Variants in PHF10 observed in about 807,000 individuals in gnomAD.
PHF10 encodes PHD finger protein 10.
Under a neutral mutation model 68.5 loss-of-function variants are expected in PHF10, and 51 were observed. The observed-to-expected ratio is 0.74, with a 90% CI of 0.59 to 0.94. The LOEUF (loss-of-function observed/expected upper bound fraction) is 0.94. Among genes scored for constraint, PHF10 ranks in the 40% least tolerant of loss-of-function variants. The probability of loss-of-function intolerance (pLI) is 0.00; values close to 1 mark genes in which losing one functional copy is unlikely to be tolerated. For synonymous variants in PHF10, 204 were observed against 203.5 expected (o/e 1.00, Z -0.02); for missense variants, 460 against 602.6 (o/e 0.76, Z 2.48).
In PHF10 at chr6:169,704,057, G is replaced by C. The variant is rs1301511842; in HGVS notation, c.1443C>G (p.Ala481=). 1.9e-6 allele frequency: 3 copies of C among 1,581,522 alleles called. No individual in the cohort carries two copies. The African/African-American group carries it at 4.1e-5, about 22-fold the overall frequency. The change falls in exon 12 of 12, where the codon GCC becomes GCG. Residue 481 remains alanine (A), a synonymous_variant. Coordinates refer to ENST00000339209, the MANE Select transcript of PHF10 (RefSeq NM_018288.4). The stretch of plus-strand genomic sequence containing the variant: ...TGCCCACTTTCCTGGGTGTTGGGGG[G>C]GCCCGCTGACAACAGTCACAAATCC... The part of the protein sequence containing the change: ...GRWICDCCQR[A]PPTPRKVGRR...
intron 6 of PHF10, among the ~76,000 whole-genome samples, chr6:169,715,112 C>CT (rs1224076193): frequency 6.6e-6 from 1 of 152,184 alleles, no homozygotes; most frequent in Non-Finnish European, 1.5e-5. Context: ...TACGACCTCT[C>CT]TGTAGCTCAA....
intron 3 of PHF10, among the ~76,000 whole-genome samples, chr6:169,718,198 C>CT (rs1284157310): frequency 3.3e-5 from 5 of 152,102 alleles, no homozygotes; most frequent in Admixed American, 3.3e-4. Flanking sequence ...GCTCATATAG[C>CT]TAACTCTATT....
chr6:169,723,808 CG>C, intron 1 of PHF10, 36 bp downstream of exon 1: 2 of 723,616 alleles, frequency 2.8e-6, no homozygotes, highest in Non-Finnish European at 1.8e-6. Context: ...AGGCCCGGGA[CG>C]GGGTCAGGGT....
chr6:169,708,059 ATG>A (rs1247399650), intron 9 of PHF10: 1 of 152,194 alleles, frequency 6.6e-6, no homozygotes, highest in Non-Finnish European at 1.5e-5. Context: ...GCACACTCCT[ATG>A]TGTGTCTGGT....
At position 169,712,523 on chromosome 6, in the gene PHF10, G is replaced by A. The variant is rs766204496; in HGVS notation, c.820C>T (p.Leu274=). The change falls in exon 8 of 12, where the codon CTG becomes TTG. Residue 274 remains leucine (L), a synonymous_variant. Transcript: ENST00000339209. ...GCTGTGTTTAATGGCAGATACCGCA[G>A]CTCATCTGGTGAGTACCTGAAGTTC... is the stretch of plus-strand genomic sequence containing the variant. ...EYYKRYSPDE[L]RYLPLNTALY... is the part of the protein sequence containing the mutation. 1 of 1,612,746 alleles carries A rather than the reference G, an allele frequency of 6.2e-7. No individual in the cohort carries two copies. Among genetic ancestry groups the A allele is most frequent in the South Asian group, 1.1e-5 (1 of 90,816 alleles).
chr6:169,722,850 A>C (rs927676763), intron 1 of PHF10, among the ~76,000 whole-genome samples: 54 of 152,200 alleles, frequency 3.5e-4, no homozygotes, highest in Admixed American at 1.2e-3. Context: ...AGGGGTCAAG[A>C]ATGCACTCAG....
intron 11 of PHF10, chr6:169,704,316 A>G (rs550317119): frequency 8.1e-6 from 4 of 492,790 alleles, no homozygotes; most frequent in East Asian, 7.0e-5. Flanking sequence ...GAGAGATGCA[A>G]TGCCATACGG....
intron 9 of PHF10, chr6:169,707,486 ATATACT>A (rs1345722435): frequency 6.6e-6 from 1 of 152,228 alleles, no homozygotes; most frequent in African/African-American, 2.4e-5. Flanking sequence ...AATGTAAAAG[ATATACT>A]TATTTAATAC....
At chr6:169,719,884 A>G (rs1044324997) in intron 2 of PHF10, among the ~76,000 whole-genome samples, 2 of 152,124 alleles carry the variant, frequency 1.3e-5, no homozygotes, top group African/African-American at 4.8e-5. Context: ...GACAGTGAAA[A>G]GACAACCCAC....
At chr6:169,719,408 T>A (rs1048190674) in intron 2 of PHF10, 5 of 153,160 alleles carry the variant, frequency 3.3e-5, no homozygotes, top group African/African-American at 1.2e-4. Flanking sequence ...CTGTTTGTTC[T>A]CAGATACTCC....
chr6:169,719,499 C>T (rs1789128163), intron 2 of PHF10, among the ~76,000 whole-genome samples: 1 of 152,158 alleles, frequency 6.6e-6, no homozygotes, highest in Admixed American at 6.5e-5. Context: ...TAACAGAGTA[C>T]AGATTTCAGG....
chr6:169,710,661 AAC>A (rs2128329541), intron 8 of PHF10, among the ~76,000 whole-genome samples: 1 of 152,306 alleles, frequency 6.6e-6, no homozygotes, highest in South Asian at 2.1e-4. Context: ...AAGTCACAAA[AAC>A]ACAATTATCC....
chr6:169,716,121 A>C, intron 4 of PHF10, 33 bp from the exon 5 acceptor site: 27 of 1,460,684 alleles, frequency 1.8e-5, no homozygotes, highest in Non-Finnish European at 2.5e-5. Flanking sequence ...AAAATAAAGA[A>C]GCTCTTTTAA....
chr6:169,704,162 T>C (rs1788687069), intron 11 of PHF10, 74 bp from the exon 12 acceptor site: 2 of 1,102,634 alleles, frequency 1.8e-6, no homozygotes, highest in African/African-American at 3.3e-5. Context: ...TCTAAACTCT[T>C]CTGCCTTAGC....
chr6:169,705,241 T>G lies in PHF10; in HGVS notation c.1303A>C (p.Thr435Pro), dbSNP rs747145103. 1 of 1,613,180 alleles carries G rather than the reference T, an allele frequency of 6.2e-7. No individual in the cohort carries two copies. Among genetic ancestry groups the G allele is most frequent in the South Asian group, 1.1e-5 (1 of 91,052 alleles). ...TYPWQCMECK[T>P]CIICGQPHHE... ...TGGGGTTGTCCACATATAATGCATG[T>G]TTTACATTCCATACACTGCCATGGG... is the stretch of plus-strand genomic sequence containing the variant. The change falls in exon 11 of 12, where the codon ACA becomes CCA. Residue 435 changes from threonine (T) to proline (P), a missense_variant. This residue lies in a region of PHF10 where 111 missense variants were observed against 109.7 expected (regional missense o/e 1.01). Transcript: ENST00000339209.
intron 9 of PHF10, chr6:169,707,845 G>C (rs1481912082): frequency 6.6e-6 from 1 of 152,154 alleles, no homozygotes; most frequent in Non-Finnish European, 1.5e-5. Flanking sequence ...TGAGAGAAGG[G>C]GAAGAGAGAC....
intron 2 of PHF10, among the ~76,000 whole-genome samples, chr6:169,720,695 AGTG>A: frequency 6.6e-6 from 1 of 152,204 alleles, no homozygotes; most frequent in Non-Finnish European, 1.5e-5. Context: ...AGTTTGGGGT[AGTG>A]AAAGTTTTGG....
intron 9 of PHF10, chr6:169,707,775 T>A (rs1046568121): frequency 7.2e-5 from 11 of 152,224 alleles, no homozygotes; most frequent in Non-Finnish European, 1.0e-4. Flanking sequence ...CATAATGATT[T>A]GTTAAATCAC....
At chr6:169,718,125 G>T (rs528273118) in intron 3 of PHF10, among the ~76,000 whole-genome samples, 4 of 152,094 alleles carry the variant, frequency 2.6e-5, no homozygotes, top group Non-Finnish European at 4.4e-5. Context: ...AAAGCAAGAA[G>T]GTCATATAAA....
Sources: gnomAD v4.1 joint callset for allele counts (sites outside exome capture counted in the v4.1 genomes callset) on GRCh38, gnomAD v4.1.1 for gene constraint, gnomAD v4.1.1 regional missense constraint, MANE v1.5 for transcripts, NCBI Gene and HGNC (gene_info 2026-07-23, HGNC 2026-07-21) for gene names.